Variants in TTLL11 observed in about 807,000 individuals in gnomAD.
TTLL11 encodes the protein tubulin tyrosine ligase like 11.
A neutral mutation model predicts 51.7 loss-of-function variants in TTLL11; 42 were observed. The observed-to-expected ratio is 0.81, with a 90% CI of 0.64 to 1.05. TTLL11 has a LOEUF of 1.05. Among genes scored for constraint, TTLL11 ranks in the 50% least tolerant of loss-of-function variants. The probability of loss-of-function intolerance (pLI) is 0.00; values close to 1 mark genes in which losing one functional copy is unlikely to be tolerated. For missense variants in TTLL11, 799 were observed against 940.4 expected (o/e 0.85, Z 1.97); for synonymous variants, 381 against 383.5 (o/e 0.99, Z 0.08).
At chr9:121,967,727 G>C (rs1842443921) in intron 6 of TTLL11, among the ~76,000 whole-genome samples, 1 of 152,150 alleles carries the variant, frequency 6.6e-6, no homozygotes, top group South Asian at 2.1e-4. Context: ...GGTTGAAAAA[G>C]AGACGGCATC....
chr9:122,007,554 C>T (rs1201920991), intron 3 of TTLL11, among the ~76,000 whole-genome samples: 1 of 149,914 alleles, frequency 6.7e-6, no homozygotes, highest in Non-Finnish European at 1.5e-5. Flanking sequence ...TAAATTTGAG[C>T]ATCAAAATAG....
intron 1 of TTLL11, among the ~76,000 whole-genome samples, chr9:122,082,855 T>C (rs1846033242): frequency 6.6e-6 from 1 of 152,002 alleles, no homozygotes; most frequent in East Asian, 1.9e-4. Context: ...AGCACAATGC[T>C]GTCTCTACAA....
At chr9:121,945,579 G>T (rs1170291665) in intron 6 of TTLL11, among the ~76,000 whole-genome samples, 4 of 152,136 alleles carry the variant, frequency 2.6e-5, no homozygotes, top group Non-Finnish European at 4.4e-5. Flanking sequence ...GGCATTCAAG[G>T]TCCTTTATAG....
intron 6 of TTLL11, among the ~76,000 whole-genome samples, chr9:121,916,232 C>G (rs555910237): frequency 6.6e-6 from 1 of 152,154 alleles, no homozygotes; most frequent in African/African-American, 2.4e-5. Context: ...GTAAAAATAG[C>G]AAGTCATAGC....
At chr9:121,934,386 T>C (rs1048737251) in intron 6 of TTLL11, among the ~76,000 whole-genome samples, 1 of 152,244 alleles carries the variant, frequency 6.6e-6, no homozygotes, top group Admixed American at 6.5e-5. Context: ...CATTTCATTA[T>C]ATGACATCAG....
chr9:122,059,007 T>C (rs997425479), intron 1 of TTLL11, among the ~76,000 whole-genome samples: 4 of 151,846 alleles, frequency 2.6e-5, no homozygotes, highest in Non-Finnish European at 5.9e-5. Context: ...AGCCTGCAGG[T>C]CCTTAAGCAC....
intron 3 of TTLL11, among the ~76,000 whole-genome samples, chr9:122,014,323 C>T (rs1358676562): frequency 6.6e-6 from 1 of 151,664 alleles, no homozygotes; most frequent in African/African-American, 2.4e-5. Context: ...CGAGATCGTA[C>T]CACTGCACTC....
chr9:121,823,149 G>A (rs1230249657), intron 8 of TTLL11, among the ~76,000 whole-genome samples: 2 of 152,222 alleles, frequency 1.3e-5, no homozygotes, highest in Non-Finnish European at 2.9e-5. Flanking sequence ...TGCAGATGAG[G>A]AAGTTGAGTC....
chr9:121,883,829 C>T (rs1838890713), intron 6 of TTLL11, among the ~76,000 whole-genome samples: 1 of 152,154 alleles, frequency 6.6e-6, no homozygotes, highest in Non-Finnish European at 1.5e-5. Context: ...TAAGTTCAAG[C>T]GCAAGGTTAA....
chr9:122,010,267 C>T (rs1843759345), intron 3 of TTLL11, among the ~76,000 whole-genome samples: 1 of 152,152 alleles, frequency 6.6e-6, no homozygotes, highest in Non-Finnish European at 1.5e-5. Flanking sequence ...TGTCGACTCC[C>T]TCCCTTTATA....
intron 6 of TTLL11, among the ~76,000 whole-genome samples, chr9:121,917,667 G>A (rs922537433): frequency 1.3e-5 from 2 of 150,750 alleles, no homozygotes; most frequent in Admixed American, 6.6e-5. Context: ...GGAAAGAAAG[G>A]AAGAAAGGAA....
intron 6 of TTLL11, among the ~76,000 whole-genome samples, chr9:121,909,505 C>T (rs1335545754): frequency 3.9e-5 from 6 of 152,286 alleles, no homozygotes; most frequent in South Asian, 4.1e-4. Context: ...GGCCCTTGTT[C>T]GCTAGAAGCA....
At chr9:122,039,467 C>A (rs1424584366) in intron 1 of TTLL11, 99 bp from the exon 2 acceptor site, 1 of 886,084 alleles carries the variant, frequency 1.1e-6, no homozygotes, top group South Asian at 1.5e-5. Flanking sequence ...GGTGTACTTA[C>A]CATGGTTTAA....
intron 3 of TTLL11, among the ~76,000 whole-genome samples, chr9:121,990,798 T>G (rs536068582): frequency 6.6e-6 from 1 of 152,230 alleles, no homozygotes; most frequent in South Asian, 2.1e-4. Flanking sequence ...TCCACAGTAT[T>G]TGCTCTCCTC....
intron 3 of TTLL11, among the ~76,000 whole-genome samples, chr9:121,997,034 G>A (rs1239269695): frequency 6.6e-6 from 1 of 152,108 alleles, no homozygotes; most frequent in Non-Finnish European, 1.5e-5. Context: ...CAAGGCAGCT[G>A]GTGCTTCTGC....
At chr9:121,971,639 T>C (rs1588166103) in intron 6 of TTLL11, among the ~76,000 whole-genome samples, 1 of 130,864 alleles carries the variant, frequency 7.6e-6, no homozygotes, top group Admixed American at 7.8e-5. Flanking sequence ...GTGGGAAAGG[T>C]GGGGAAAAGA....
chr9:121,856,469 TG>T (rs1461875377), intron 8 of TTLL11, among the ~76,000 whole-genome samples: 1 of 152,230 alleles, frequency 6.6e-6, no homozygotes, highest in Non-Finnish European at 1.5e-5. Context: ...TCTCACAGGA[TG>T]GTGTGAGAAG....
chr9:121,927,558 G>A (rs917351151), intron 6 of TTLL11, among the ~76,000 whole-genome samples: 1 of 152,086 alleles, frequency 6.6e-6, no homozygotes, highest in Non-Finnish European at 1.5e-5. Context: ...CCCCAGGGAG[G>A]TGAAAAGAAA....
intron 1 of TTLL11, among the ~76,000 whole-genome samples, chr9:122,051,520 CT>C (rs1436724160): frequency 6.6e-6 from 1 of 152,186 alleles, no homozygotes; most frequent in African/African-American, 2.4e-5. Flanking sequence ...GTGATACTGC[CT>C]GCTTGTTGCT....
Sources: gnomAD v4.1 joint callset for allele counts (sites outside exome capture counted in the v4.1 genomes callset) on GRCh38, gnomAD v4.1.1 for gene constraint, MANE v1.5 for transcripts, NCBI Gene and HGNC (gene_info 2026-07-23, HGNC 2026-07-21) for gene names.